The following KIF5B variants were observed in gnomAD, a reference collection of about 807,000 sequenced individuals.
KIF5B encodes kinesin-1 heavy chain.
KIF5B carries 49 observed loss-of-function variants against 132.8 expected under a neutral mutation model. The observed-to-expected ratio is 0.37, with a 90% confidence interval of 0.29 to 0.47. The LOEUF (loss-of-function observed/expected upper bound fraction) is 0.47, where lower values mean the gene tolerates loss of function less well. KIF5B is among the 20% of genes least tolerant of loss of function. The pLI is 1.00. For synonymous variants in KIF5B, 355 were observed against 369.4 expected (o/e 0.96, Z 0.45); for missense variants, 780 against 1,144.0 (o/e 0.68, Z 4.59).
In KIF5B at chr10:32,028,523, T is replaced by C; in HGVS notation, c.1630A>G (p.Thr544Ala). The C allele has an allele frequency of 6.2e-7, 1 of 1,614,038 alleles. No individual in the cohort carries two copies. Among genetic ancestry groups the C allele is most frequent in the Non-Finnish European group, 8.5e-7 (1 of 1,179,914 alleles). The change falls in exon 15 of 26, where the codon ACC (threonine) becomes GCC (alanine). Residue 544 changes from threonine (T) to alanine (A), a missense_variant. Transcript: ENST00000302418. ...GCTGCTCGTTTTTTCTGGTGGTTGG[T>C]CATTTCCTTAAGTTTCTGAAGCTCA... ...DAELQKLKEMTNHQKKRAAEM... is the reference protein window; with the variant it reads ...DAELQKLKEMANHQKKRAAEM...
rs373748328 is a variant in KIF5B, at chr10:32,024,146, C to T, written c.1726-1110G>A. Among the ~76,000 whole-genome samples, 59 of 69,728 alleles carry T rather than the reference C, an allele frequency of 8.5e-4. No homozygotes were observed. In the South Asian group the frequency reaches 8.5e-3, roughly 10 times the overall value. 45.7% of individuals were successfully genotyped at this position (69,728 alleles called of 152,430 possible). On this transcript the variant is annotated intron_variant, in intron 15 of 25. Coordinates refer to ENST00000302418, the MANE Select transcript of KIF5B (RefSeq NM_004521.3). ...TTATATCCAAAACATATGAAGAACT[C>T]TTTTTTTTTTTTTTTTTTTTTTTTT...
chr10:32,034,926 A>T, intron 10 of KIF5B, 88 bp from the exon 11 acceptor site: 1 of 973,292 alleles, frequency 1.0e-6, no homozygotes, highest in Non-Finnish European at 1.4e-6. Flanking sequence ...TATGGCTAAG[A>T]AACTTATGCT....
At chr10:32,051,627 G>T (rs1475203326) in intron 1 of KIF5B, among the ~76,000 whole-genome samples, 1 of 152,104 alleles carries the variant, frequency 6.6e-6, no homozygotes, top group African/African-American at 2.4e-5. Flanking sequence ...TATCTTTCTA[G>T]AAGTTATTGT....
At chr10:32,023,899 A>G (rs1454527150) in intron 15 of KIF5B, among the ~76,000 whole-genome samples, 1 of 152,054 alleles carries the variant, frequency 6.6e-6, no homozygotes, top group Admixed American at 6.6e-5. Flanking sequence ...CTGAAAAAAA[A>G]ACTTTTAACA....
chr10:32,048,234 T>C (rs369433374), intron 2 of KIF5B, among the ~76,000 whole-genome samples: 26 of 152,248 alleles, frequency 1.7e-4, no homozygotes, highest in Non-Finnish European at 2.8e-4. Flanking sequence ...GTGTGTAACA[T>C]AGTTCTCATA....
At chr10:32,033,223 T>C (rs537169268) in intron 12 of KIF5B, among the ~76,000 whole-genome samples, 38 of 152,266 alleles carry the variant, frequency 2.5e-4, no homozygotes, top group Admixed American at 1.4e-3. Context: ...ATTCTAACAA[T>C]TGGTATCATT....
chr10:32,035,855 AAGGT>A (rs1288091120), intron 9 of KIF5B, 31 bp downstream of exon 9: 1 of 1,497,918 alleles, frequency 6.7e-7, no homozygotes, highest in Admixed American at 1.8e-5. Context: ...AATGCCCCAT[AAGGT>A]AACAGGGAGA....
chr10:32,043,073 G>A (rs577218908), intron 2 of KIF5B, among the ~76,000 whole-genome samples: 2 of 150,410 alleles, frequency 1.3e-5, no homozygotes, highest in Non-Finnish European at 2.9e-5. Context: ...CTGCAACCTC[G>A]GCTCACTGCA....
intron 15 of KIF5B, among the ~76,000 whole-genome samples, chr10:32,026,460 A>AAAAAAAC (rs1218431858): frequency 1.3e-5 from 2 of 150,110 alleles, no homozygotes; most frequent in East Asian, 3.9e-4. Flanking sequence ...AAAAAAAAAA[A>AAAAAAAC]AGTAACGCTC....
rs1841033865 is a variant in KIF5B, at chr10:32,009,168, T to C, written c.*2369A>G. 6.6e-6 allele frequency: 1 copy of C among 152,228 alleles called. No individual in the cohort carries two copies. The highest frequency in any genetic ancestry group is 2.1e-4 in the South Asian group (1 of 4,830). The allele number at this position is 152,228 out of a possible 1,614,324, so 9.4% of individuals were successfully genotyped here. The stretch of plus-strand genomic sequence containing the variant: ...ACATATTCCACAGGTAGACTCAGAC[T>C]CTCTTCTGTCACCTCATGTCAAATG... On this transcript the variant is annotated 3_prime_UTR_variant, in exon 26 of 26. Transcript: ENST00000302418.
chr10:32,040,343 G>T, intron 3 of KIF5B, 41 bp downstream of exon 3: 2 of 1,104,590 alleles, frequency 1.8e-6, no homozygotes, highest in Non-Finnish European at 2.8e-6. Context: ...AATGCTGTAT[G>T]TATTGCAAAC....
chr10:32,044,233 C>G (rs564694157), intron 2 of KIF5B, among the ~76,000 whole-genome samples: 22 of 152,286 alleles, frequency 1.4e-4, no homozygotes, highest in African/African-American at 5.1e-4. Context: ...ACAAAGGTTG[C>G]ATAGAAGAAG....
Position 32,033,868 on chromosome 10 carries a change from A to C in KIF5B, c.1282T>G (p.Leu428Val), listed in dbSNP as rs1482773533. 1.2e-6 allele frequency: 2 copies of C among 1,612,840 alleles called. No homozygotes were observed. Among genetic ancestry groups the C allele is most frequent in the East Asian group, 2.2e-5 (1 of 44,818 alleles). Residue 428 changes from leucine to valine, a missense_variant, in exon 12 of 26, where the codon TTA (leucine) becomes GTA (valine). This residue lies in a region of KIF5B where 471 missense variants were observed against 569.9 expected (regional missense o/e 0.83). Coordinates refer to ENST00000302418, the MANE Select transcript of KIF5B (RefSeq NM_004521.3). Reference protein sequence around the residue: ...RRKCEEEIAKLYKQLDDKDEE... With the variant: ...RRKCEEEIAKVYKQLDDKDEE... The stretch of plus-strand genomic sequence containing the variant: ...ACCTTGTCATCAAGCTGTTTGTATA[A>C]TTTAGCAATTTCTTCTTCACACTTT...
chr10:32,032,892 C>A, intron 12 of KIF5B, 118 bp from the exon 13 acceptor site: 1 of 743,770 alleles, frequency 1.3e-6, no homozygotes, highest in South Asian at 1.6e-5. Context: ...TCTCTAAATT[C>A]AACATTGCTT....
chr10:32,048,499 T>A lies in KIF5B; in HGVS notation c.179A>T (p.Gln60Leu), dbSNP rs1203202833. The A allele has an allele frequency of 6.2e-7, 1 of 1,613,570 alleles. No individual in the cohort carries two copies. Among genetic ancestry groups the A allele is most frequent in the African/African-American group, 1.3e-5 (1 of 74,908 alleles). The stretch of plus-strand genomic sequence containing the variant: ...CTTCTTTGCACAGTCATTATACACT[T>A]GCTCTTGAGATGTGCTTGACTGGAA... ...RVFQSSTSQEQVYNDCAKKIV... is the reference protein window; with the variant it reads ...RVFQSSTSQELVYNDCAKKIV... Residue 60 changes from glutamine (Q) to leucine (L), a missense_variant, in exon 2 of 26, where the codon CAA becomes CTA. Coordinates refer to ENST00000302418, the MANE Select transcript of KIF5B (RefSeq NM_004521.3).
At chr10:32,014,648 T>C (rs1025546565) in intron 25 of KIF5B, among the ~76,000 whole-genome samples, 2 of 152,022 alleles carry the variant, frequency 1.3e-5, no homozygotes, top group African/African-American at 4.8e-5. Context: ...ATATTACTTA[T>C]ATAATTATAA....
At chr10:32,026,501 G>C (rs947045602) in intron 15 of KIF5B, among the ~76,000 whole-genome samples, 3 of 90,602 alleles carry the variant, frequency 3.3e-5, no homozygotes, top group South Asian at 3.7e-4. Context: ...GAGAGGAAAA[G>C]AATTACTTGT....
Position 32,017,145 on chromosome 10 carries a change from A to G in KIF5B, c.2759T>C (p.Ile920Thr). 1 of 1,612,648 alleles carries G rather than the reference A, an allele frequency of 6.2e-7. No individual in the cohort carries two copies. The highest frequency in any genetic ancestry group is 8.5e-7 in the Non-Finnish European group (1 of 1,178,616). Residue 920 changes from isoleucine (I) to threonine (T), a missense_variant and splice_region_variant, in exon 24 of 26, where the codon ATT (isoleucine) becomes ACT (threonine). By Grantham distance (89) the Ile-to-Thr change is moderately conservative. This residue lies in a region of KIF5B where 90 missense variants were observed against 101.8 expected (regional missense o/e 0.88). Transcript: ENST00000302418. ...AGGTTTTAATGTGTTCTACTAACCA[A>G]TCTGTGCAGAATGCCCTCTTCTGGC... ...NMARRGHSAQ[I>T]AKPIRPGQHP...
At position 32,027,031 on chromosome 10, in the gene KIF5B, T is replaced by A. The variant is rs552889039; in HGVS notation, c.1725+1397A>T. On this transcript the variant is annotated intron_variant, in intron 15 of 25. Coordinates refer to ENST00000302418, the MANE Select transcript of KIF5B (RefSeq NM_004521.3). ...TATCTTTTATTCTTTTTGTATTTTT[T>A]AAAAATATTTTTTCTTCATTTTTAA... 2.2e-4 allele frequency among the ~76,000 whole-genome samples: 32 copies of A among 145,480 alleles called. No individual in the cohort carries two copies. The East Asian group carries it at 4.4e-3, about 20-fold the overall frequency.
Sources: allele counts gnomAD v4.1 joint callset (sites outside exome capture counted in the v4.1 genomes callset), GRCh38; gene constraint gnomAD v4.1.1; regional missense constraint gnomAD v4.1.1; transcripts MANE v1.5; gene names NCBI Gene and HGNC (gene_info 2026-07-23, HGNC 2026-07-21).